The following FREM3 variants were observed in gnomAD, a reference collection of about 807,000 sequenced individuals.
The protein encoded by FREM3 is FRAS1 related extracellular matrix 3.
In FREM3, 105 loss-of-function variants were observed where a neutral mutation model predicts 129.1. The ratio of observed to expected loss-of-function variants is 0.81; its 90% CI spans 0.69 to 0.96. FREM3 has a LOEUF of 0.96. FREM3 is among the 40% of genes least tolerant of loss of function. The probability of loss-of-function intolerance (pLI) is 0.00; values close to 1 mark genes in which losing one functional copy is unlikely to be tolerated. For synonymous variants in FREM3, 1,014 were observed against 1,044.9 expected (o/e 0.97, Z 0.57); for missense variants, 2,593 against 2,666.3 (o/e 0.97, Z 0.61).
intron 1 of FREM3, among the ~76,000 whole-genome samples, chr4:143,694,407 T>C (rs1366162420): frequency 6.6e-6 from 1 of 152,190 alleles, no homozygotes; most frequent in East Asian, 1.9e-4. Flanking sequence ...AAAATGAGAA[T>C]AAAATCATGA....
At chr4:143,695,299 C>G (rs1740544076) in intron 1 of FREM3, among the ~76,000 whole-genome samples, 192 bp downstream of exon 1, 1 of 152,122 alleles carries the variant, frequency 6.6e-6, no homozygotes, top group African/African-American at 2.4e-5. Context: ...GTTAAATGGG[C>G]ATTCTGATGA....
At position 143,700,210 on chromosome 4, in the gene FREM3, A is replaced by G; in HGVS notation, c.466T>C (p.Phe156Leu). Residue 156 changes from phenylalanine (F) to leucine (L), a missense_variant, in exon 1 of 8, where the codon TTC (phenylalanine) becomes CTC (leucine). Physicochemically the swap from Phe to Leu is conservative, Grantham distance 22. Transcript: ENST00000329798. ...DAPTHTLVLP[F>L]TLAVDLVFSQ... is the part of the protein sequence containing the mutation. ...AAGACCAAGTCCACCGCCAGCGTGA[A>G]GGGCAGCACCAGAGTGTGAGTCGGG... The G allele has an allele frequency of 6.5e-7, 1 of 1,536,962 alleles. No homozygotes were observed. Among genetic ancestry groups the G allele is most frequent in the South Asian group, 1.2e-5 (1 of 84,068 alleles).
chr4:143,665,613 G>A (rs1387661141), intron 2 of FREM3, among the ~76,000 whole-genome samples: 2 of 151,984 alleles, frequency 1.3e-5, no homozygotes, highest in African/African-American at 2.4e-5. Flanking sequence ...AAGTGGTTAA[G>A]GTATTTTCTC....
chr4:143,678,545 T>A (rs58299378), intron 2 of FREM3, among the ~76,000 whole-genome samples: 11,047 of 150,898 alleles, frequency 0.073, 1,075 homozygotes, highest in African/African-American at 0.21. Context: ...TATAATAAAA[T>A]ATATATATAT....
chr4:143,664,935 G>A (rs182942823), intron 2 of FREM3, among the ~76,000 whole-genome samples: 15 of 152,204 alleles, frequency 9.9e-5, no homozygotes, highest in South Asian at 6.2e-4. Context: ...TTTTAAGCCC[G>A]TCGGAAAAGT....
chr4:143,590,871 T>A (rs906508236), intron 6 of FREM3, among the ~76,000 whole-genome samples: 32 of 152,088 alleles, frequency 2.1e-4, no homozygotes, highest in African/African-American at 7.7e-4. Context: ...CTGGTCCTGG[T>A]CTTTTTTTGG....
chr4:143,679,977 G>A (rs1740220956), intron 2 of FREM3, among the ~76,000 whole-genome samples: 1 of 152,044 alleles, frequency 6.6e-6, no homozygotes, highest in South Asian at 2.1e-4. Flanking sequence ...CTAGAATAAT[G>A]TGGTTAGTCA....
At chr4:143,611,663 A>G in intron 5 of FREM3, 136 bp from the exon 6 acceptor site, 1 of 746,276 alleles carries the variant, frequency 1.3e-6, no homozygotes, top group Non-Finnish European at 2.1e-6. Flanking sequence ...TATGCTCACA[A>G]ATAGTAATAC....
rs113358721 is a variant in FREM3, at chr4:143,631,292, G to A, written c.5276-3532C>T. The stretch of plus-strand genomic sequence containing the variant: ...CATTGCAATTTCCAGTTTACTACAG[G>A]AATAAACATCCAGAAAAGTTGTGTT... On this transcript the variant is annotated intron_variant, in intron 2 of 7. Transcript: ENST00000329798. 9.6e-3 allele frequency among the ~76,000 whole-genome samples: 1,458 copies of A among 152,144 alleles called. 22 individuals carry two copies. Among genetic ancestry groups the A allele is most frequent in the African/African-American group, 0.034 (1,395 of 41,512 alleles).
chr4:143,666,221 A>G (rs1289178711), intron 2 of FREM3, among the ~76,000 whole-genome samples: 1 of 152,166 alleles, frequency 6.6e-6, no homozygotes, highest in Admixed American at 6.6e-5. Flanking sequence ...ATGTTTCTAC[A>G]TGCATAAAAG....
intron 2 of FREM3, among the ~76,000 whole-genome samples, chr4:143,655,102 T>C (rs952509332): frequency 6.6e-6 from 1 of 151,992 alleles, no homozygotes; most frequent in South Asian, 2.1e-4. Context: ...GCAGAAAGGA[T>C]CTGTAATTTG....
At chr4:143,681,365 T>C (rs1200480524) in intron 2 of FREM3, among the ~76,000 whole-genome samples, 1 of 152,092 alleles carries the variant, frequency 6.6e-6, no homozygotes, top group Non-Finnish European at 1.5e-5. Flanking sequence ...TAGTGTTATA[T>C]ATAGTAGAGA....
At chr4:143,661,263 T>A (rs968049201) in intron 2 of FREM3, among the ~76,000 whole-genome samples, 3 of 152,360 alleles carry the variant, frequency 2.0e-5, no homozygotes, top group Admixed American at 6.5e-5. Context: ...GTCCCATCAA[T>A]ACCTAATTTA....
chr4:143,676,570 G>C (rs1322564923), intron 2 of FREM3, among the ~76,000 whole-genome samples: 10 of 152,092 alleles, frequency 6.6e-5, no homozygotes, highest in Admixed American at 6.5e-5. Context: ...TGAAATAAAG[G>C]GTATTCAATT....
chr4:143,642,467 T>C (rs997132157), intron 2 of FREM3, among the ~76,000 whole-genome samples: 1 of 151,932 alleles, frequency 6.6e-6, no homozygotes, highest in Admixed American at 6.6e-5. Flanking sequence ...AGAATAGAGA[T>C]CCAAGAAATA....
At chr4:143,648,000 C>A (rs1739448785) in intron 2 of FREM3, among the ~76,000 whole-genome samples, 1 of 152,216 alleles carries the variant, frequency 6.6e-6, no homozygotes, top group South Asian at 2.1e-4. Context: ...GGAAAGGGGG[C>A]TGTATCCTGC....
chr4:143,678,534 G>A (rs560712992), intron 2 of FREM3, among the ~76,000 whole-genome samples: 1 of 151,368 alleles, frequency 6.6e-6, no homozygotes, highest in Admixed American at 6.6e-5. Context: ...AGAACTGAAA[G>A]TATAATAAAA....
chr4:143,681,699 T>C (rs1447309343), intron 2 of FREM3, among the ~76,000 whole-genome samples: 1 of 152,158 alleles, frequency 6.6e-6, no homozygotes, highest in Non-Finnish European at 1.5e-5. Flanking sequence ...TACACCAGTA[T>C]GGTTAGGTCC....
At position 143,624,292 on chromosome 4, in the gene FREM3, T is replaced by C. The variant is rs1218224144; in HGVS notation, c.5469A>G (p.Lys1823=). Residue 1823 remains lysine (K), a synonymous_variant, in exon 4 of 8, where the codon AAA becomes AAG. Transcript: ENST00000329798. ...DETAKKDKDF[K]WKTNKQIQFN... ...ACTGGATCTGTTTATTGGTCTTCCA[T>C]TTGAAATCTTTGTCTTTTTTTGCAG... 6.5e-7 allele frequency: 1 copy of C among 1,536,996 alleles called. No individual in the cohort carries two copies. The highest frequency in any genetic ancestry group is 1.4e-5 in the African/African-American group (1 of 73,052).
Sources: gnomAD v4.1 joint callset for allele counts (sites outside exome capture counted in the v4.1 genomes callset) on GRCh38, gnomAD v4.1.1 for gene constraint, MANE v1.5 for transcripts, NCBI Gene and HGNC (gene_info 2026-07-23, HGNC 2026-07-21) for gene names.